Variants in MTFR1 observed in about 807,000 individuals in gnomAD.
MTFR1 encodes the protein mitochondrial fission regulator 1, also known as chondrocyte protein with a poly-proline region.
In MTFR1, 28 loss-of-function variants were observed where a neutral mutation model predicts 38.8. The ratio of observed to expected loss-of-function variants is 0.72; its 90% CI spans 0.53 to 0.99. The LOEUF (loss-of-function observed/expected upper bound fraction) is 0.99. Ranked by LOEUF, MTFR1 falls within the 50% of genes least tolerant of loss-of-function variation. The probability of loss-of-function intolerance (pLI) is 0.00; values close to 1 mark genes in which losing one functional copy is unlikely to be tolerated. For synonymous variants in MTFR1, 145 were observed against 137.0 expected (o/e 1.06, Z -0.41); for missense variants, 358 against 395.5 (o/e 0.91, Z 0.81).
At chr8:65,684,676 C>T (rs1019614844) in intron 3 of MTFR1, among the ~76,000 whole-genome samples, 3 of 152,036 alleles carry the variant, frequency 2.0e-5, no homozygotes, top group African/African-American at 7.2e-5. Flanking sequence ...TGAGCCACCG[C>T]ACCTGGCCCA....
intron 2 of MTFR1, among the ~76,000 whole-genome samples, chr8:65,680,630 G>C (rs950706994): frequency 1.3e-5 from 2 of 152,116 alleles, no homozygotes; most frequent in Admixed American, 1.3e-4. Flanking sequence ...GTGAACCGTT[G>C]TTTGGTTATG....
intron 3 of MTFR1, among the ~76,000 whole-genome samples, chr8:65,746,316 C>G (rs1268429968): frequency 1.3e-5 from 2 of 152,068 alleles, no homozygotes; most frequent in Admixed American, 6.5e-5. Flanking sequence ...AGTGATAGAG[C>G]TGGGATCTTA....
chr8:65,731,531 ATC>A (rs1454194318), intron 3 of MTFR1: 1 of 152,238 alleles, frequency 6.6e-6, no homozygotes, highest in Non-Finnish European at 1.5e-5. Context: ...GAAAATCACA[ATC>A]TCTTCAGCTG....
In MTFR1 at chr8:65,734,738, T is replaced by C. The variant is rs1418710356; in HGVS notation, c.*48+15257T>C. 21 of 981,026 alleles carry C rather than the reference T, an allele frequency of 2.1e-5. No individual in the cohort carries two copies. In the East Asian group the frequency reaches 5.1e-4, roughly 24 times the overall value. 60.8% of individuals were successfully genotyped at this position (981,026 alleles called of 1,614,324 possible). ...TAACTTCAGGAGAAGTATGTGAAAGTAAATCAAAAGGAATTTTCTTATGAT... is the reference window on the plus strand; with the variant it reads ...TAACTTCAGGAGAAGTATGTGAAAGCAAATCAAAAGGAATTTTCTTATGAT... On this transcript the variant is annotated intron_variant, in intron 3 of 3. Transcript: ENST00000521247.
intron 2 of MTFR1, among the ~76,000 whole-genome samples, chr8:65,716,670 T>C (rs1278366380): frequency 1.3e-5 from 2 of 152,222 alleles, no homozygotes; most frequent in Non-Finnish European, 1.5e-5. Flanking sequence ...GTTACATTTC[T>C]CACTGTAAAT....
intron 2 of MTFR1, chr8:65,718,251 CAT>C (rs1491368377): frequency 1.3e-5 from 2 of 152,184 alleles, no homozygotes; most frequent in Non-Finnish European, 2.9e-5. Flanking sequence ...CATGGAGAAA[CAT>C]AACATGCACA....
At chr8:65,750,289 G>A (rs556653852) in intron 3 of MTFR1, among the ~76,000 whole-genome samples, 1 of 152,244 alleles carries the variant, frequency 6.6e-6, no homozygotes, top group Non-Finnish European at 1.5e-5. Context: ...CAGAATACTT[G>A]TACTGTATTT....
intron 3 of MTFR1, among the ~76,000 whole-genome samples, chr8:65,757,685 C>G (rs1808300895): frequency 6.6e-6 from 1 of 152,186 alleles, no homozygotes; most frequent in Admixed American, 6.5e-5. Flanking sequence ...GTGGCATGAT[C>G]TGGGCTCACT....
intron 1 of MTFR1, among the ~76,000 whole-genome samples, chr8:65,653,877 C>G (rs1014334905): frequency 1.3e-5 from 2 of 151,938 alleles, no homozygotes; most frequent in Non-Finnish European, 2.9e-5. Context: ...CCAGCCTGGG[C>G]AACATAGTGA....
At chr8:65,657,248 T>A (rs1458895229) in intron 1 of MTFR1, among the ~76,000 whole-genome samples, 1 of 152,088 alleles carries the variant, frequency 6.6e-6, no homozygotes, top group Non-Finnish European at 1.5e-5. Context: ...CCTGACCCCA[T>A]GTGATCCACC....
chr8:65,646,232 T>C (rs912205695), intron 1 of MTFR1, among the ~76,000 whole-genome samples: 4 of 152,214 alleles, frequency 2.6e-5, no homozygotes, highest in South Asian at 4.1e-4. Flanking sequence ...ATTATCCCCA[T>C]GTTAGAGTTA....
At chr8:65,708,122 G>A (rs1395378411) in intron 7 of MTFR1, 111 bp downstream of exon 7, 4 of 1,599,652 alleles carry the variant, frequency 2.5e-6, no homozygotes, top group Non-Finnish European at 3.4e-6. Context: ...CCAAAGGGAG[G>A]TGATACAGGA....
intron 4 of MTFR1, among the ~76,000 whole-genome samples, chr8:65,702,602 T>C (rs548315957): frequency 6.6e-6 from 1 of 151,984 alleles, no homozygotes; most frequent in Admixed American, 6.6e-5. Flanking sequence ...AAATTACCAG[T>C]TTTTTTTCCC....
chr8:65,756,855 G>A (rs938155049), intron 3 of MTFR1, among the ~76,000 whole-genome samples: 8 of 152,104 alleles, frequency 5.3e-5, no homozygotes, highest in Non-Finnish European at 1.2e-4. Context: ...TTACACTGGG[G>A]AAGCTCTGGA....
chr8:65,747,205 CAA>C (rs1807712127), intron 3 of MTFR1, among the ~76,000 whole-genome samples: 1 of 152,002 alleles, frequency 6.6e-6, no homozygotes. Context: ...CACACACACA[CAA>C]AAAAGAGAGA....
chr8:65,696,462 G>T (rs1286554765), intron 4 of MTFR1, among the ~76,000 whole-genome samples: 1 of 151,998 alleles, frequency 6.6e-6, no homozygotes, highest in Non-Finnish European at 1.5e-5. Context: ...ATCACAGCAG[G>T]GTATTGATGT....
At chr8:65,722,131 T>C (rs1049308659) in intron 3 of MTFR1, 1 of 152,244 alleles carries the variant, frequency 6.6e-6, no homozygotes, top group African/African-American at 2.4e-5. Flanking sequence ...ATTTGAAGAT[T>C]ATTCTACTTG....
intron 1 of MTFR1, among the ~76,000 whole-genome samples, chr8:65,662,213 TCA>T (rs1809447816): frequency 6.6e-6 from 1 of 151,976 alleles, no homozygotes; most frequent in African/African-American, 2.4e-5. Context: ...TTCTCCTGCC[TCA>T]GCCTGCCGAG....
chr8:65,649,802 A>G (rs1465317109), intron 1 of MTFR1, among the ~76,000 whole-genome samples: 1 of 121,794 alleles, frequency 8.2e-6, no homozygotes, highest in Non-Finnish European at 1.7e-5. Context: ...ACCCCCCCAC[A>G]CTGTCCTTTG....
Sources: allele counts gnomAD v4.1 joint callset (sites outside exome capture counted in the v4.1 genomes callset), GRCh38; gene constraint gnomAD v4.1.1; transcripts MANE v1.5; gene names NCBI Gene and HGNC (gene_info 2026-07-23, HGNC 2026-07-21).